Variants in TM2D1 observed in about 807,000 individuals in gnomAD.
The protein encoded by TM2D1 is TM2 domain containing 1.
In TM2D1, 15 loss-of-function variants were observed where a neutral mutation model predicts 28.4. That is an observed-to-expected ratio of 0.53 (90% CI 0.35 to 0.81). TM2D1 has a LOEUF of 0.81. Ranked by LOEUF, TM2D1 falls within the 40% of genes least tolerant of loss-of-function variation. The probability of loss-of-function intolerance (pLI) is 0.01; values close to 1 mark genes in which losing one functional copy is unlikely to be tolerated. For missense variants in TM2D1, 236 were observed against 254.9 expected, an observed-to-expected ratio of 0.93 and a Z score of 0.50; for synonymous variants, 93 against 96.2, an observed-to-expected ratio of 0.97 and a Z score of 0.20.
At position 61,714,758 on chromosome 1, in the gene TM2D1, G is replaced by A. The variant is rs372133707; in HGVS notation, c.239-5321C>T. ...TTTTGTAGAGACAGGTTTTCACCACGTTGCCCAAGCTGGTCTCAAACTCCT... is the reference window on the plus strand; with the variant it reads ...TTTTGTAGAGACAGGTTTTCACCACATTGCCCAAGCTGGTCTCAAACTCCT... On this transcript the variant is annotated intron_variant, in intron 2 of 6. Coordinates refer to ENST00000606498, the MANE Select transcript of TM2D1 (RefSeq NM_032027.3). 2.4e-4 allele frequency among the ~76,000 whole-genome samples: 37 copies of A among 152,084 alleles called. No individual in the cohort carries two copies. The South Asian group carries it at 5.0e-3, about 20-fold the overall frequency.
At chr1:61,724,869 C>G in intron 1 of TM2D1, 88 bp downstream of exon 1, 3 of 1,374,726 alleles carry the variant, frequency 2.2e-6, no homozygotes, top group Non-Finnish European at 2.9e-6. Flanking sequence ...TCACTCAGTA[C>G]AGCCCTAGCC....
chr1:61,719,136 C>T (rs1644542560), intron 2 of TM2D1, among the ~76,000 whole-genome samples: 1 of 152,062 alleles, frequency 6.6e-6, no homozygotes, highest in South Asian at 2.1e-4. Context: ...CTGACACAAT[C>T]AGGGCTCACT....
At chr1:61,703,652 A>G (rs1171524414) in intron 3 of TM2D1, among the ~76,000 whole-genome samples, 1 of 144,418 alleles carries the variant, frequency 6.9e-6, no homozygotes, top group Admixed American at 7.0e-5. Flanking sequence ...ACCTCAAGTT[A>G]TCTGTGGGCC....
intron 5 of TM2D1, among the ~76,000 whole-genome samples, chr1:61,691,349 G>A (rs1189941579): frequency 1.3e-5 from 2 of 151,728 alleles, no homozygotes; most frequent in African/African-American, 4.8e-5. Context: ...TACAAAATTA[G>A]CCGGGCATAG....
chr1:61,686,998 A>C, intron 5 of TM2D1: 2 of 984,478 alleles, frequency 2.0e-6, no homozygotes, highest in South Asian at 4.7e-5. Context: ...ATTTGTCCAT[A>C]GGCAACAGAG....
At chr1:61,701,464 G>T (rs1644401002) in intron 3 of TM2D1, among the ~76,000 whole-genome samples, 1 of 151,984 alleles carries the variant, frequency 6.6e-6, no homozygotes, top group African/African-American at 2.4e-5. Flanking sequence ...CCATGCTTCT[G>T]AGGAAAGAGT....
At chr1:61,692,215 T>TA (rs543027996) in intron 5 of TM2D1, among the ~76,000 whole-genome samples, 102 of 151,770 alleles carry the variant, frequency 6.7e-4, no homozygotes, top group African/African-American at 2.3e-3. Context: ...TAATAACAAA[T>TA]AGACAAACTC....
At chr1:61,709,298 C>A in intron 3 of TM2D1, 31 bp downstream of exon 3, 1 of 1,349,794 alleles carries the variant, frequency 7.4e-7, no homozygotes, top group South Asian at 1.2e-5. Flanking sequence ...GGCAAGTAAT[C>A]TGAAAATTTA....
intron 5 of TM2D1, among the ~76,000 whole-genome samples, chr1:61,684,511 G>T (rs1644269588): frequency 6.6e-6 from 1 of 152,148 alleles, no homozygotes; most frequent in Non-Finnish European, 1.5e-5. Flanking sequence ...GCCAAACAAA[G>T]GGATAGCTCA....
chr1:61,703,250 C>A (rs556431498), intron 3 of TM2D1, among the ~76,000 whole-genome samples: 1 of 147,286 alleles, frequency 6.8e-6, no homozygotes, highest in Non-Finnish European at 1.5e-5. Context: ...TATATATGAT[C>A]TAAAATATAT....
intron 2 of TM2D1, among the ~76,000 whole-genome samples, chr1:61,721,621 GA>G (rs1026209285): frequency 4.6e-5 from 7 of 151,560 alleles, no homozygotes; most frequent in Non-Finnish European, 8.8e-5. Context: ...TATACTCAGT[GA>G]AAAAAACAAA....
chr1:61,706,503 T>C (rs1644441671), intron 3 of TM2D1, among the ~76,000 whole-genome samples: 1 of 150,090 alleles, frequency 6.7e-6, no homozygotes, highest in Admixed American at 6.6e-5. Context: ...GAGCCACAAA[T>C]TCTGTCTTGA....
intron 3 of TM2D1, among the ~76,000 whole-genome samples, chr1:61,708,117 T>C (rs556796561): frequency 6.6e-6 from 1 of 152,256 alleles, no homozygotes; most frequent in African/African-American, 2.4e-5. Context: ...ACTGTGATCA[T>C]AGCTCACTAC....
chr1:61,687,381 A>G (rs1373593110), intron 5 of TM2D1, among the ~76,000 whole-genome samples: 2 of 152,244 alleles, frequency 1.3e-5, no homozygotes, highest in Non-Finnish European at 2.9e-5. Context: ...CTGTACACTT[A>G]AAGATTAAAG....
chr1:61,691,431 G>C (rs1345709566), intron 5 of TM2D1, among the ~76,000 whole-genome samples: 5 of 142,984 alleles, frequency 3.5e-5, no homozygotes, highest in Admixed American at 2.2e-4. Flanking sequence ...GGAGGCAGAG[G>C]TTGCAGTGGG....
intron 2 of TM2D1, among the ~76,000 whole-genome samples, chr1:61,709,714 G>T (rs1170338673): frequency 6.6e-6 from 1 of 152,132 alleles, no homozygotes; most frequent in African/African-American, 2.4e-5. Context: ...CTCTGATAAA[G>T]GTACCAAGGG....
At chr1:61,685,294 A>C (rs892317404) in intron 5 of TM2D1, among the ~76,000 whole-genome samples, 7 of 152,220 alleles carry the variant, frequency 4.6e-5, no homozygotes, top group African/African-American at 1.7e-4. Context: ...GATACATTTC[A>C]AAATTGATGT....
chr1:61,717,804 T>C (rs1465398120), intron 2 of TM2D1, among the ~76,000 whole-genome samples: 3 of 151,650 alleles, frequency 2.0e-5, no homozygotes, highest in Non-Finnish European at 4.4e-5. Context: ...AATCAGACAA[T>C]GAAGTTTCAT....
intron 4 of TM2D1, chr1:61,698,975 A>G (rs1424742108): frequency 6.6e-6 from 1 of 152,184 alleles, no homozygotes; most frequent in East Asian, 1.9e-4. Context: ...GGCAGTGATC[A>G]TTTAAAATAA....
Sources: allele counts gnomAD v4.1 joint callset (sites outside exome capture counted in the v4.1 genomes callset), GRCh38; gene constraint gnomAD v4.1.1; transcripts MANE v1.5; gene names NCBI Gene and HGNC (gene_info 2026-07-23, HGNC 2026-07-21).